CLCA4: variants seen among roughly 807,000 people sequenced by gnomAD.
CLCA4 encodes the protein chloride channel accessory 4, also known as calcium-activated chloride channel regulator 4.
In CLCA4, 69 loss-of-function variants were observed where a neutral mutation model predicts 78.9. That is an observed-to-expected ratio of 0.87 (90% CI 0.72 to 1.07). The LOEUF is 1.07. Ranked by LOEUF, CLCA4 falls within the 50% of genes least tolerant of loss-of-function variation. CLCA4 has a pLI of 0.00. For missense variants in CLCA4, 1,133 were observed against 1,095.8 expected, an observed-to-expected ratio of 1.03 and a Z score of -0.48; for synonymous variants, 362 against 375.8, an observed-to-expected ratio of 0.96 and a Z score of 0.42.
chr1:86,550,978 C>T (rs547057082), intron 1 of CLCA4, among the ~76,000 whole-genome samples: 43 of 151,682 alleles, frequency 2.8e-4, no homozygotes, highest in Middle Eastern at 3.4e-3. Flanking sequence ...ATTACAGGCG[C>T]CTGCCACCAC....
At position 86,575,353 on chromosome 1, in the gene CLCA4, C is replaced by A; in HGVS notation, c.1705C>A (p.Leu569Ile). The A allele has an allele frequency of 6.2e-7, 1 of 1,613,058 alleles. No homozygotes were observed. The highest frequency in any genetic ancestry group is 8.5e-7 in the Non-Finnish European group (1 of 1,179,366). ...TTAGGTGGGCACTTGGGCATACAAT[C>A]TTCAAGCCAAAGCGAACCCAGAAAC... ...TAKVGTWAYN[L>I]QAKANPETLT... The change falls in exon 11 of 14, where the codon CTT becomes ATT. Residue 569 changes from leucine (L) to isoleucine (I), a missense_variant. Coordinates refer to ENST00000370563, the MANE Select transcript of CLCA4 (RefSeq NM_012128.4).
intron 11 of CLCA4, among the ~76,000 whole-genome samples, chr1:86,576,911 T>C (rs368026595): frequency 3.9e-5 from 6 of 152,156 alleles, no homozygotes; most frequent in Admixed American, 3.9e-4. Context: ...GAAGCTTCTG[T>C]TAAGAGGTTA....
chr1:86,555,940 A>G (rs1649828209), intron 1 of CLCA4, among the ~76,000 whole-genome samples: 1 of 152,016 alleles, frequency 6.6e-6, no homozygotes, highest in African/African-American at 2.4e-5. Context: ...CTGTATTCCT[A>G]GGTATTTTAT....
chr1:86,562,432 C>T (rs1650051824), intron 3 of CLCA4, among the ~76,000 whole-genome samples: 1 of 152,154 alleles, frequency 6.6e-6, no homozygotes, highest in South Asian at 2.1e-4. Flanking sequence ...AACTTAGGGA[C>T]CTTGTTAATA....
chr1:86,557,963 T>TA (rs1219554656), intron 1 of CLCA4, among the ~76,000 whole-genome samples: 3 of 151,988 alleles, frequency 2.0e-5, no homozygotes, highest in Non-Finnish European at 4.4e-5. Flanking sequence ...TTTTTTTTTT[T>TA]ATCTTTGTTG....
In CLCA4 at chr1:86,565,471, C is replaced by T. The variant is rs767657183; in HGVS notation, c.735+20C>T. The T allele has an allele frequency of 3.3e-6, 5 of 1,525,056 alleles. No individual in the cohort carries two copies. In the South Asian group the frequency reaches 6.2e-5, roughly 19 times the overall value. 94.5% of individuals were successfully genotyped at this position (1,525,056 alleles called of 1,614,324 possible). Reference sequence around the variant, plus strand: ...GATTCTGTAAGTATGCTGATAATTGCTTCCAGAATTTATAATCAAATGACA... The same window carrying T: ...GATTCTGTAAGTATGCTGATAATTGTTTCCAGAATTTATAATCAAATGACA... On this transcript the variant is annotated intron_variant, in intron 5 of 13. Transcript: ENST00000370563.
chr1:86,555,477 T>G (rs568312779), intron 1 of CLCA4, among the ~76,000 whole-genome samples: 32 of 152,340 alleles, frequency 2.1e-4, no homozygotes, highest in Middle Eastern at 3.4e-3. Flanking sequence ...CATTGCTTGT[T>G]TTTGTCAGCT....
rs1359439394 is a variant in CLCA4 at position 86,579,534 on chromosome 1, A to ATAAGAT, written c.2306_2311dup (p.Lys769_Ile770dup). On this transcript the variant is annotated inframe_insertion, in exon 13 of 14. Coordinates refer to ENST00000370563, the MANE Select transcript of CLCA4 (RefSeq NM_012128.4). Reference sequence around the variant, plus strand: ...GACCTTGATGCCACAGTTCATGAGGATAAGATTATTCTTACATGGACAGCA... The same window carrying ATAAGAT: ...GACCTTGATGCCACAGTTCATGAGGATAAGATTAAGATTATTCTTACATGGACAGCA... 2 of 1,612,976 alleles carry ATAAGAT rather than the reference A, an allele frequency of 1.2e-6. No individual in the cohort carries two copies. The highest frequency in any genetic ancestry group is 3.3e-5 in the Admixed American group (2 of 59,892).
chr1:86,577,688 T>C (rs1650559893), intron 11 of CLCA4, among the ~76,000 whole-genome samples: 1 of 152,086 alleles, frequency 6.6e-6, no homozygotes, highest in Admixed American at 6.6e-5. Flanking sequence ...TGTGTGTATG[T>C]ATGTTATATA....
chr1:86,577,734 A>T (rs1053832561), intron 11 of CLCA4, among the ~76,000 whole-genome samples, 168 bp from the exon 12 acceptor site: 7 of 152,118 alleles, frequency 4.6e-5, no homozygotes, highest in African/African-American at 1.7e-4. Context: ...AAGGGTGTCA[A>T]TTCTACAATA....
At position 86,574,580 on chromosome 1, in the gene CLCA4, T is replaced by A; in HGVS notation, c.1508T>A (p.Met503Lys). The A allele has an allele frequency of 6.2e-7, 1 of 1,613,334 alleles. No homozygotes were observed. The highest frequency in any genetic ancestry group is 1.1e-5 in the South Asian group (1 of 91,054). Residue 503 changes from methionine to lysine, a missense_variant, in exon 10 of 14, where the codon ATG becomes AAG. Transcript: ENST00000370563. Reference sequence around the variant, plus strand: ...TTAACACTGAATAGTAATGCCTGGATGAACGACACTGTCATAATTGATAGT... The same window carrying A: ...TTAACACTGAATAGTAATGCCTGGAAGAACGACACTGTCATAATTGATAGT... The part of the protein sequence containing the change: ...KGLTLNSNAW[M>K]NDTVIIDSTV...
chr1:86,569,444 A>G (rs1650287296), intron 7 of CLCA4, among the ~76,000 whole-genome samples: 1 of 152,032 alleles, frequency 6.6e-6, no homozygotes, highest in Non-Finnish European at 1.5e-5. Flanking sequence ...TTCAAAAAAT[A>G]TGAGGCTTGT....
chr1:86,551,856 C>T (rs1395246560), intron 1 of CLCA4, among the ~76,000 whole-genome samples: 1 of 151,870 alleles, frequency 6.6e-6, no homozygotes, highest in Non-Finnish European at 1.5e-5. Flanking sequence ...AATTTATGCT[C>T]AAGTCTAGGA....
chr1:86,550,818 A>T, intron 1 of CLCA4, among the ~76,000 whole-genome samples: 1 of 150,550 alleles, frequency 6.6e-6, no homozygotes. Context: ...AATAAGGTCT[A>T]GGGAGGGATC....
In CLCA4 at chr1:86,575,411, A is replaced by T. The variant is rs767020167; in HGVS notation, c.1763A>T (p.Asn588Ile). The change falls in exon 11 of 14, where the codon AAT becomes ATT. Residue 588 changes from asparagine to isoleucine, a missense_variant. Coordinates refer to ENST00000370563, the MANE Select transcript of CLCA4 (RefSeq NM_012128.4). ...ATTACAGTAACTTCTCGAGCAGCAA[A>T]TTCTTCTGTGCCTCCAATCACAGTG... Reference protein sequence around the residue: ...LTITVTSRAANSSVPPITVNA... With the variant: ...LTITVTSRAAISSVPPITVNA... The T allele has an allele frequency of 6.2e-7, 1 of 1,613,450 alleles. No individual in the cohort carries two copies. The highest frequency in any genetic ancestry group is 8.5e-7 in the Non-Finnish European group (1 of 1,179,576).
intron 1 of CLCA4, among the ~76,000 whole-genome samples, chr1:86,553,878 G>A (rs1346737641): frequency 6.6e-6 from 1 of 152,146 alleles, no homozygotes; most frequent in East Asian, 1.9e-4. Flanking sequence ...GGAGGTTGCA[G>A]TAAGCCAAGA....
At chr1:86,557,341 T>C (rs538963349) in intron 1 of CLCA4, among the ~76,000 whole-genome samples, 3 of 152,280 alleles carry the variant, frequency 2.0e-5, no homozygotes, top group Admixed American at 1.3e-4. Context: ...TTGATGTGGG[T>C]ATTTAATGCT....
At chr1:86,570,040 G>A (rs898618703) in intron 7 of CLCA4, among the ~76,000 whole-genome samples, 4 of 151,890 alleles carry the variant, frequency 2.6e-5, no homozygotes, top group Non-Finnish European at 4.4e-5. Context: ...CTTTCCGTTC[G>A]GTTTCAAGGC....
At chr1:86,568,089 G>A (rs945385392) in intron 7 of CLCA4, among the ~76,000 whole-genome samples, 14 of 151,836 alleles carry the variant, frequency 9.2e-5, no homozygotes, top group African/African-American at 3.1e-4. Flanking sequence ...ACCTCTTAAA[G>A]CAGATGTAGC....
Sources: allele counts gnomAD v4.1 joint callset (sites outside exome capture counted in the v4.1 genomes callset), GRCh38; gene constraint gnomAD v4.1.1; transcripts MANE v1.5; gene names NCBI Gene and HGNC (gene_info 2026-07-23, HGNC 2026-07-21).